ITPR1: variants seen among roughly 807,000 people sequenced by gnomAD.
The protein encoded by ITPR1 is inositol 1,4,5-trisphosphate receptor type 1.
In ITPR1, 96 loss-of-function variants were observed where a neutral mutation model predicts 318.4. The observed-to-expected ratio is 0.30, with a 90% CI of 0.26 to 0.36. The LOEUF is 0.36. ITPR1 is among the 10% of genes least tolerant of loss of function. The pLI, the probability that ITPR1 is intolerant of heterozygous loss-of-function variation, is 1.00. For missense variants in ITPR1, 2,440 were observed against 3,460.2 expected (o/e 0.71, Z 7.40); for synonymous variants, 1,312 against 1,289.9 (o/e 1.02, Z -0.37).
intron 55 of ITPR1, among the ~76,000 whole-genome samples, chr3:4,810,312 G>C (rs759541356): frequency 2.6e-5 from 4 of 152,256 alleles, no homozygotes; most frequent in Non-Finnish European, 5.9e-5. Flanking sequence ...ACTTCAGAGA[G>C]CTCTCTCCCC....
intron 44 of ITPR1, among the ~76,000 whole-genome samples, chr3:4,738,851 G>C (rs1266180366): frequency 2.6e-5 from 4 of 152,144 alleles, no homozygotes; most frequent in Non-Finnish European, 5.9e-5. Context: ...TCTCTTGGGG[G>C]AACGCAGGGG....
intron 44 of ITPR1, among the ~76,000 whole-genome samples, chr3:4,754,376 C>G (rs536532091): frequency 6.6e-6 from 1 of 152,298 alleles, no homozygotes; most frequent in East Asian, 1.9e-4. Context: ...CCTCTTGCAT[C>G]TGTCTTTTCA....
chr3:4,669,786 C>A lies in ITPR1; in HGVS notation c.2006+13C>A, dbSNP rs1181863539. 4 of 1,601,342 alleles carry A rather than the reference C, an allele frequency of 2.5e-6. No homozygotes were observed. The highest frequency in any genetic ancestry group is 2.6e-6 in the Non-Finnish European group (3 of 1,172,696). On this transcript the variant is annotated intron_variant, in intron 19 of 61. Coordinates refer to ENST00000649015, the MANE Select transcript of ITPR1 (RefSeq NM_001378452.1). ...TGATTGAGACCAAGTGAGTGGGGAG[C>A]CAGGGTTTAGATGGAAAACATGGGG... is the stretch of plus-strand genomic sequence containing the variant.
At chr3:4,541,269 T>A (rs1183533004) in intron 4 of ITPR1, among the ~76,000 whole-genome samples, 1 of 152,218 alleles carries the variant, frequency 6.6e-6, no homozygotes, top group Non-Finnish European at 1.5e-5. Flanking sequence ...TTGGAGAATC[T>A]GTTAGTGGTA....
intron 4 of ITPR1, among the ~76,000 whole-genome samples, chr3:4,600,529 T>C (rs1407058400): frequency 6.6e-6 from 1 of 152,112 alleles, no homozygotes; most frequent in East Asian, 1.9e-4. Flanking sequence ...TGTGTCTGTT[T>C]TGAGAAGAAT....
intron 4 of ITPR1, among the ~76,000 whole-genome samples, chr3:4,578,512 A>G (rs557113954): frequency 3.9e-5 from 6 of 152,234 alleles, no homozygotes; most frequent in African/African-American, 1.4e-4. Context: ...ATACATATAT[A>G]TAGTGTGTGT....
chr3:4,804,164 G>A (rs938795656), intron 54 of ITPR1, among the ~76,000 whole-genome samples: 1 of 152,210 alleles, frequency 6.6e-6, no homozygotes, highest in Admixed American at 6.5e-5. Context: ...GAGCCACCAT[G>A]CCCCGCCTAG....
intron 39 of ITPR1, among the ~76,000 whole-genome samples, chr3:4,712,940 G>T (rs1036142209): frequency 6.6e-6 from 1 of 152,170 alleles, no homozygotes. Flanking sequence ...AACTCAGTAG[G>T]AATTTTGCAG....
chr3:4,834,443 C>CGTGAGTATCCAGGGCCTCGTGCTAA (rs1402818849), intron 60 of ITPR1, among the ~76,000 whole-genome samples: 1 of 152,146 alleles, frequency 6.6e-6, no homozygotes, highest in Non-Finnish European at 1.5e-5. Flanking sequence ...TAGCAGCCAC[C>CGTGAGTATCCAGGGCCTCGTGCTAA]GTGAGTATCC....
chr3:4,829,998 G>C (rs1641801545), intron 60 of ITPR1, among the ~76,000 whole-genome samples: 1 of 133,640 alleles, frequency 7.5e-6, no homozygotes, highest in South Asian at 2.4e-4. Context: ...GTGTGAAACG[G>C]AGTCCTGCTC....
chr3:4,549,135 G>GTAAA (rs1215862667), intron 4 of ITPR1, among the ~76,000 whole-genome samples: 1 of 152,176 alleles, frequency 6.6e-6, no homozygotes, highest in East Asian at 1.9e-4. Context: ...ATTGTAGTGT[G>GTAAA]TAAATGTTTA....
intron 4 of ITPR1, among the ~76,000 whole-genome samples, chr3:4,564,881 T>A (rs1304084068): frequency 2.0e-5 from 3 of 152,200 alleles, no homozygotes; most frequent in African/African-American, 7.2e-5. Flanking sequence ...AGACAAATTC[T>A]AAAAGAGCTG....
rs142330303 is a variant in ITPR1 at position 4,815,287 on chromosome 3, G to A, written c.7867+69G>A. 2.1e-4 allele frequency: 309 copies of A among 1,506,578 alleles called. No individual in the cohort carries two copies. In the African/African-American group the frequency reaches 3.4e-3, roughly 17 times the overall value. 93.3% of individuals were successfully genotyped at this position (1,506,578 alleles called of 1,614,324 possible). A position where few individuals can be genotyped will look rare whatever the true frequency, so the allele number is the denominator to read the frequency against. On this transcript the variant is annotated intron_variant, in intron 59 of 61. Transcript: ENST00000649015. ...CGTGGCAGAGGCATGTGGATACTGCGAGGGTGTGATGGGCGGGGTGCCTGC... is the reference window on the plus strand; with the variant it reads ...CGTGGCAGAGGCATGTGGATACTGCAAGGGTGTGATGGGCGGGGTGCCTGC...
chr3:4,734,828 A>C (rs1018457188), intron 43 of ITPR1, among the ~76,000 whole-genome samples: 9 of 152,248 alleles, frequency 5.9e-5, no homozygotes, highest in African/African-American at 1.9e-4. Context: ...TTCTGAAACC[A>C]GTTCTGAACT....
rs1574865677 is a variant in ITPR1 at position 4,688,395 on chromosome 3, A to G, written c.3703-100A>G. The G allele has an allele frequency of 1.6e-5, 23 of 1,458,870 alleles. 1 individual carries two copies. The East Asian group carries it at 5.0e-4, about 32-fold the overall frequency. 90.4% of individuals were successfully genotyped at this position (1,458,870 alleles called of 1,614,324 possible). On this transcript the variant is annotated intron_variant, in intron 30 of 61. Transcript: ENST00000649015. ...ATTTACCCACAACAGGTCCCCAGCA[A>G]ACACCTTCTGACTCCCACGTTAGCA...
chr3:4,555,407 C>T (rs114895106), intron 4 of ITPR1, among the ~76,000 whole-genome samples: 142 of 152,240 alleles, frequency 9.3e-4, no homozygotes, highest in African/African-American at 2.7e-3. Flanking sequence ...GGCATATAGG[C>T]GTATATTAAA....
At chr3:4,783,618 A>T (rs1315762643) in intron 50 of ITPR1, among the ~76,000 whole-genome samples, 198 bp from the exon 51 acceptor site, 3 of 152,220 alleles carry the variant, frequency 2.0e-5, no homozygotes, top group Non-Finnish European at 4.4e-5. Context: ...CGAGCTTTCC[A>T]TGCTTTTCTA....
At chr3:4,607,824 CA>C (rs1215976125) in intron 4 of ITPR1, among the ~76,000 whole-genome samples, 1 of 152,024 alleles carries the variant, frequency 6.6e-6, no homozygotes, top group Non-Finnish European at 1.5e-5. Flanking sequence ...AAAGATACCT[CA>C]AAAGGCCAAT....
intron 4 of ITPR1, among the ~76,000 whole-genome samples, chr3:4,544,524 A>G (rs1447897494): frequency 6.6e-6 from 1 of 152,224 alleles, no homozygotes; most frequent in South Asian, 2.1e-4. Flanking sequence ...ATTGGCTTGC[A>G]TCTGAGAAGT....
Sources: allele counts gnomAD v4.1 joint callset (sites outside exome capture counted in the v4.1 genomes callset), GRCh38; gene constraint gnomAD v4.1.1; transcripts MANE v1.5; gene names NCBI Gene and HGNC (gene_info 2026-07-23, HGNC 2026-07-21).